Variants in SUN5 observed in about 807,000 individuals in gnomAD.
SUN5 encodes the protein SUN domain-containing protein 5.
A neutral mutation model predicts 53.7 loss-of-function variants in SUN5; 44 were observed. The observed-to-expected ratio is 0.82, with a 90% CI of 0.64 to 1.05. The LOEUF (loss-of-function observed/expected upper bound fraction) is 1.05, where lower values mean the gene tolerates loss of function less well. Ranked by LOEUF, SUN5 falls within the 50% of genes least tolerant of loss-of-function variation. SUN5 has a pLI of 0.00. For synonymous variants in SUN5, 166 were observed against 179.8 expected, an observed-to-expected ratio of 0.92 and a Z score of 0.62; for missense variants, 433 against 483.8, an observed-to-expected ratio of 0.90 and a Z score of 0.98.
intron 5 of SUN5, chr20:32,999,769 G>C: frequency 1.3e-6 from 1 of 747,854 alleles, no homozygotes; most frequent in Non-Finnish European, 2.1e-6. Context: ...CTTTGCTTGG[G>C]AAAGCTAAGC....
At chr20:32,988,346 G>A (rs1319752964) in intron 9 of SUN5, among the ~76,000 whole-genome samples, 4 of 152,156 alleles carry the variant, frequency 2.6e-5, no homozygotes, top group African/African-American at 9.7e-5. Context: ...CGAGTTGGAG[G>A]TGCTGCCTGG....
Position 33,004,421 on chromosome 20 carries a change from T to C in SUN5, c.-81A>G. ...AGGAAGGGGCTGATGCCTCTGAATGTCCCCTGAAAAGTGCCAAGTGGAATC... is the reference window on the plus strand; with the variant it reads ...AGGAAGGGGCTGATGCCTCTGAATGCCCCCTGAAAAGTGCCAAGTGGAATC... On this transcript the variant is annotated 5_prime_UTR_variant, in exon 1 of 13. Transcript: ENST00000356173. 1 of 1,450,662 alleles carries C rather than the reference T, an allele frequency of 6.9e-7. No individual in the cohort carries two copies. The highest frequency in any genetic ancestry group is 9.1e-7 in the Non-Finnish European group (1 of 1,096,706). 89.9% of individuals were successfully genotyped at this position (1,450,662 alleles called of 1,614,324 possible).
chr20:32,995,480 AC>A (rs1989821299), intron 8 of SUN5, 138 bp downstream of exon 8: 6 of 675,156 alleles, frequency 8.9e-6, no homozygotes. Context: ...TACTTCTTTC[AC>A]TGTATTCCTG....
intron 1 of SUN5, 120 bp from the exon 2 acceptor site, chr20:33,003,039 C>T: frequency 2.6e-6 from 3 of 1,144,878 alleles, no homozygotes; most frequent in African/African-American, 1.5e-5. Flanking sequence ...CCCAACACCA[C>T]CAGCCTGTGA....
At chr20:33,001,526 C>CTTTCTTTCTTTCTTTCTT (rs1990019097) in intron 3 of SUN5, among the ~76,000 whole-genome samples, 1 of 129,352 alleles carries the variant, frequency 7.7e-6, no homozygotes, top group Non-Finnish European at 1.6e-5. Context: ...TTTCTTCTTT[C>CTTTCTTTCTTTCTTTCTT]TTTCTTTCTT....
In SUN5 at chr20:33,002,612, C is replaced by T. The variant is rs376720906; in HGVS notation, c.186G>A (p.Leu62=). Residue 62 remains leucine, a synonymous_variant, in exon 3 of 13, where the codon CTG becomes CTA. Transcript: ENST00000356173. The stretch of plus-strand genomic sequence containing the variant: ...ACACACATCCCAGCATGCACTGAGT[C>T]AGGCCTAGGGCTTGGTCATTGTTGC... ...PVRNNDQALG[L]TQCMLGCVSW... 1.7e-5 allele frequency: 28 copies of T among 1,614,104 alleles called. No individual in the cohort carries two copies. The highest frequency in any genetic ancestry group is 2.3e-5 in the Non-Finnish European group (27 of 1,180,050).
chr20:32,992,879 A>G lies in SUN5; in HGVS notation c.534+2740T>C, dbSNP rs1989745425. Among the ~76,000 whole-genome samples the G allele has an allele frequency of 2.0e-5, 3 of 152,246 alleles. No homozygotes were observed. The South Asian group carries it at 6.2e-4, about 31-fold the overall frequency. On this transcript the variant is annotated intron_variant, in intron 8 of 12. Transcript: ENST00000356173. ...GAGATACCACTTCTCACCCTGCAGAATAAAGTAAAAAAGACATATGACACC... is the reference window on the plus strand; with the variant it reads ...GAGATACCACTTCTCACCCTGCAGAGTAAAGTAAAAAAGACATATGACACC...
intron 8 of SUN5, among the ~76,000 whole-genome samples, chr20:32,994,561 A>G (rs1313013717): frequency 4.7e-5 from 7 of 148,410 alleles, no homozygotes; most frequent in African/African-American, 1.7e-4. Flanking sequence ...GTCTGTGAAA[A>G]AAATCAAATG....
chr20:32,986,072 G>T (rs1299211855), intron 10 of SUN5, among the ~76,000 whole-genome samples, 169 bp from the exon 11 acceptor site: 1 of 152,140 alleles, frequency 6.6e-6, no homozygotes, highest in African/African-American at 2.4e-5. Context: ...ACCCATGCAG[G>T]GGGTAAGCCT....
intron 8 of SUN5, among the ~76,000 whole-genome samples, chr20:32,995,121 A>G (rs1402825875): frequency 6.6e-6 from 1 of 152,236 alleles, no homozygotes; most frequent in Non-Finnish European, 1.5e-5. Flanking sequence ...GAAAGAAGAA[A>G]TATTTTAAGA....
At chr20:32,987,536 T>A in intron 10 of SUN5, 124 bp downstream of exon 10, 1 of 534,820 alleles carries the variant, frequency 1.9e-6, no homozygotes, top group South Asian at 2.1e-5. Context: ...TGCTCCTACC[T>A]CTAACCCCGC....
intron 12 of SUN5, 140 bp from the exon 13 acceptor site, chr20:32,984,089 C>A: frequency 9.6e-7 from 1 of 1,046,950 alleles, no homozygotes; most frequent in Non-Finnish European, 1.3e-6. Flanking sequence ...TGTCCCAAGG[C>A]CTCACAGCAA....
intron 8 of SUN5, among the ~76,000 whole-genome samples, chr20:32,994,371 A>G (rs1479627277): frequency 6.6e-6 from 1 of 152,248 alleles, no homozygotes; most frequent in East Asian, 1.9e-4. Context: ...TGAAGAGGCA[A>G]GACCATATCA....
chr20:33,002,747 C>T (rs967904507), intron 2 of SUN5, 86 bp from the exon 3 acceptor site: 26 of 1,596,810 alleles, frequency 1.6e-5, no homozygotes, highest in East Asian at 6.7e-5. Flanking sequence ...GAGCTTGGTG[C>T]GAACATCCCT....
intron 3 of SUN5, among the ~76,000 whole-genome samples, chr20:33,001,799 G>T (rs1990053835): frequency 6.6e-6 from 1 of 151,688 alleles, no homozygotes; most frequent in Non-Finnish European, 1.5e-5. Context: ...CTCCTGAGTA[G>T]CTGGGACTAC....
intron 5 of SUN5, among the ~76,000 whole-genome samples, chr20:32,998,942 G>A (rs1304467926): frequency 6.6e-6 from 1 of 152,156 alleles, no homozygotes; most frequent in Non-Finnish European, 1.5e-5. Flanking sequence ...GGCTGATGTG[G>A]GAGGATCACT....
Position 32,983,863 on chromosome 20 carries a change from C to T in SUN5, c.1071G>A (p.Val357=), listed in dbSNP as rs1163032718. ...GCGGGGCCACAGAGCCATGCACTCG[C>T]ACGCGGTACAGGCAAGTGAAGCCTG... ...GNPGFTCLYR[V]RVHGSVAPPR... is the part of the protein sequence containing the mutation. The change falls in exon 13 of 13, where the codon GTG becomes GTA. Residue 357 remains valine (V), a synonymous_variant. Transcript: ENST00000356173. 1.2e-6 allele frequency: 2 copies of T among 1,600,502 alleles called. No homozygotes were observed. The highest frequency in any genetic ancestry group is 1.7e-6 in the Non-Finnish European group (2 of 1,173,310).
chr20:32,997,517 G>C, intron 6 of SUN5, 121 bp downstream of exon 6: 1 of 976,646 alleles, frequency 1.0e-6, no homozygotes, highest in South Asian at 1.6e-5. Context: ...TTTGGATCTG[G>C]GTCAAGTCAG....
Position 32,996,309 on chromosome 20 carries a change from GA to G in SUN5, c.425+14del. On this transcript the variant is annotated intron_variant, in intron 7 of 12. Transcript: ENST00000356173. ...TTTTAGGTAATAATATGGTTACCCA[GA>G]AGATTCCTCTTACCTCAAGCTCTGC... 4 of 1,612,810 alleles carry G rather than the reference GA, an allele frequency of 2.5e-6. No individual in the cohort carries two copies. The highest frequency in any genetic ancestry group is 3.4e-6 in the Non-Finnish European group (4 of 1,179,094).
Sources: gnomAD v4.1 joint callset for allele counts (sites outside exome capture counted in the v4.1 genomes callset) on GRCh38, gnomAD v4.1.1 for gene constraint, MANE v1.5 for transcripts, NCBI Gene and HGNC (gene_info 2026-07-23, HGNC 2026-07-21) for gene names.